Variants in SDK1 observed in about 807,000 individuals in gnomAD.
SDK1 encodes the protein protein sidekick-1.
A neutral mutation model predicts 245.5 loss-of-function variants in SDK1; 157 were observed. The ratio of observed to expected loss-of-function variants is 0.64; its 90% CI spans 0.56 to 0.73. The LOEUF is 0.73. SDK1 is among the 30% of genes least tolerant of loss of function. The pLI is 0.00. For missense variants in SDK1, 3,583 were observed against 3,002.3 expected (o/e 1.19, Z -4.52); for synonymous variants, 1,647 against 1,278.5 (o/e 1.29, Z -6.15).
intron 17 of SDK1, among the ~76,000 whole-genome samples, chr7:4,021,865 G>A (rs971159899): frequency 2.0e-5 from 3 of 152,196 alleles, no homozygotes; most frequent in Non-Finnish European, 4.4e-5. Context: ...TAAGTGAGAT[G>A]AAATCTGACA....
chr7:3,558,541 T>G (rs1049966572), intron 1 of SDK1, among the ~76,000 whole-genome samples: 2 of 152,210 alleles, frequency 1.3e-5, no homozygotes, highest in African/African-American at 4.8e-5. Flanking sequence ...AGGCAGTGAT[T>G]GGCCTGGTAC....
intron 4 of SDK1, among the ~76,000 whole-genome samples, chr7:3,787,787 G>T (rs1263127374): frequency 6.6e-6 from 1 of 152,138 alleles, no homozygotes; most frequent in Non-Finnish European, 1.5e-5. Flanking sequence ...AACTCTCTCT[G>T]CTGTCCCTCA....
chr7:3,495,056 G>C (rs1306779069), intron 1 of SDK1, among the ~76,000 whole-genome samples: 1 of 151,946 alleles, frequency 6.6e-6, no homozygotes, highest in Admixed American at 6.6e-5. Context: ...TCTCTCTAAA[G>C]TGCTGTTACT....
intron 35 of SDK1, among the ~76,000 whole-genome samples, chr7:4,197,065 G>A (rs775678750): frequency 1.3e-5 from 2 of 152,200 alleles, no homozygotes; most frequent in Non-Finnish European, 2.9e-5. Context: ...GATCTGCTGT[G>A]CAATCCACAC....
At chr7:3,553,555 C>G (rs1053866037) in intron 1 of SDK1, among the ~76,000 whole-genome samples, 6 of 152,146 alleles carry the variant, frequency 3.9e-5, no homozygotes, top group African/African-American at 1.4e-4. Context: ...GACCTCTGAA[C>G]TAGCAACCGA....
At chr7:3,703,058 C>T (rs1325058086) in intron 4 of SDK1, among the ~76,000 whole-genome samples, 1 of 117,340 alleles carries the variant, frequency 8.5e-6, no homozygotes, top group Non-Finnish European at 1.6e-5. Context: ...GAGACTCTGT[C>T]TCAAAAAAAA....
At chr7:3,400,857 A>G (rs1251826669) in intron 1 of SDK1, among the ~76,000 whole-genome samples, 2 of 152,180 alleles carry the variant, frequency 1.3e-5, no homozygotes, top group East Asian at 1.9e-4. Flanking sequence ...CTTCAACCTC[A>G]GTTTTCAAAG....
In SDK1 at chr7:4,158,418, C is replaced by A. The variant is rs1202227766; in HGVS notation, c.4626-30C>A. 5 of 1,574,802 alleles carry A rather than the reference C, an allele frequency of 3.2e-6. No individual in the cohort carries two copies. The South Asian group carries it at 3.3e-5, about 10-fold the overall frequency. On this transcript the variant is annotated intron_variant, in intron 30 of 44. Coordinates refer to ENST00000404826, the MANE Select transcript of SDK1 (RefSeq NM_152744.4). ...GAGGGCAGGACAGGGTGGCAGGGCC[C>A]CGGCAGTCACGGTCTCTTCCACATT...
At chr7:3,388,515 C>T (rs1002916645) in intron 1 of SDK1, among the ~76,000 whole-genome samples, 2 of 152,090 alleles carry the variant, frequency 1.3e-5, no homozygotes, top group African/African-American at 4.8e-5. Flanking sequence ...ATCCCCCCAT[C>T]TTAGCTTCCC....
At chr7:3,891,916 A>AT (rs898174332) in intron 5 of SDK1, among the ~76,000 whole-genome samples, 14 of 151,508 alleles carry the variant, frequency 9.2e-5, no homozygotes, top group East Asian at 5.8e-4. Flanking sequence ...GGCAAGGTGC[A>AT]TTTTTTTTTC....
At chr7:3,654,601 C>G (rs978166078) in intron 4 of SDK1, among the ~76,000 whole-genome samples, 1 of 152,170 alleles carries the variant, frequency 6.6e-6, no homozygotes, top group Non-Finnish European at 1.5e-5. Context: ...CAAGTGTCTT[C>G]TCTTTTGGTG....
intron 19 of SDK1, among the ~76,000 whole-genome samples, chr7:4,057,813 T>A (rs1453338844): frequency 2.0e-5 from 3 of 152,044 alleles, no homozygotes; most frequent in Non-Finnish European, 4.4e-5. Context: ...TACAGCCAAA[T>A]AAATTATATG....
intron 2 of SDK1, among the ~76,000 whole-genome samples, chr7:3,627,667 C>T (rs781028006): frequency 4.6e-5 from 7 of 152,174 alleles, no homozygotes; most frequent in Non-Finnish European, 8.8e-5. Context: ...TGAGGAGGAG[C>T]TGTTGCTTTT....
At chr7:3,569,283 T>C (rs554684506) in intron 1 of SDK1, among the ~76,000 whole-genome samples, 1 of 152,302 alleles carries the variant, frequency 6.6e-6, no homozygotes, top group Admixed American at 6.5e-5. Flanking sequence ...GATAGACAAA[T>C]GCTGAGAGCC....
At chr7:4,259,096 G>T (rs1358464322) in intron 44 of SDK1, among the ~76,000 whole-genome samples, 1 of 152,110 alleles carries the variant, frequency 6.6e-6, no homozygotes, top group Non-Finnish European at 1.5e-5. Flanking sequence ...TTTACGCAGA[G>T]CTTAACCTTG....
chr7:3,683,651 C>A (rs566010671), intron 4 of SDK1, among the ~76,000 whole-genome samples: 1 of 152,302 alleles, frequency 6.6e-6, no homozygotes, highest in African/African-American at 2.4e-5. Context: ...ACATGGCAAG[C>A]GTGGAAGACT....
chr7:3,644,773 C>CAAAAAAAAAAAAA lies in SDK1; in HGVS notation c.713+2675_713+2687dup, dbSNP rs34276127. On this transcript the variant is annotated intron_variant, in intron 4 of 44. Coordinates refer to ENST00000404826, the MANE Select transcript of SDK1 (RefSeq NM_152744.4). ...GGGTGACAGAGCAAGACCCTGTCTC[C>CAAAAAAAAAAAAA]AAAAAAAAAAAAAAAAAAACAAAAA... Among the ~76,000 whole-genome samples, 35 of 40,016 alleles carry CAAAAAAAAAAAAA rather than the reference C, an allele frequency of 8.7e-4. 2 individuals carry two copies. The highest frequency in any genetic ancestry group is 2.8e-3 in the African/African-American group (29 of 10,264). 26.3% of individuals were successfully genotyped at this position (40,016 alleles called of 152,430 possible). A position where few individuals can be genotyped will look rare whatever the true frequency, so the allele number is the denominator to read the frequency against.
In SDK1 at chr7:3,301,880, G is replaced by A. The variant is rs1230178104; in HGVS notation, c.294G>A (p.Ala98=). The A allele has an allele frequency of 7.9e-6, 9 of 1,135,854 alleles. No homozygotes were observed. Among genetic ancestry groups the A allele is most frequent in the Middle Eastern group, 3.6e-4 (1 of 2,750 alleles). The allele number at this position is 1,135,854 out of a possible 1,614,324, so 70.4% of individuals were successfully genotyped here. Residue 98 remains alanine (A), a synonymous_variant, in exon 1 of 45, where the codon GCG becomes GCA. Transcript: ENST00000404826. ...ALQLHLLRAL[A]QDDVAPYFKT... ...AGCTGCACTTGCTCCGGGCGCTGGCGCAAGGTAGGTGCGCGCGGGGTCGCG... is the reference window on the plus strand; with the variant it reads ...AGCTGCACTTGCTCCGGGCGCTGGCACAAGGTAGGTGCGCGCGGGGTCGCG...
intron 19 of SDK1, among the ~76,000 whole-genome samples, chr7:4,062,944 A>G (rs1779631569): frequency 6.6e-6 from 1 of 152,232 alleles, no homozygotes; most frequent in South Asian, 2.1e-4. Context: ...TAGGCATAGT[A>G]GAAACATACC....
Sources: allele counts gnomAD v4.1 joint callset (sites outside exome capture counted in the v4.1 genomes callset), GRCh38; gene constraint gnomAD v4.1.1; transcripts MANE v1.5; gene names NCBI Gene and HGNC (gene_info 2026-07-23, HGNC 2026-07-21).